The following CPNE4 variants were observed in gnomAD, a reference collection of about 807,000 sequenced individuals.
CPNE4 encodes the protein copine-4.
A neutral mutation model predicts 67.9 loss-of-function variants in CPNE4; 25 were observed. The observed-to-expected ratio is 0.37, with a 90% CI of 0.27 to 0.51. The LOEUF (loss-of-function observed/expected upper bound fraction) is 0.51. Among genes scored for constraint, CPNE4 ranks in the 20% least tolerant of loss-of-function variants. The pLI is 0.93. For missense variants in CPNE4, 464 were observed against 690.8 expected (o/e 0.67, Z 3.68); for synonymous variants, 242 against 244.9 (o/e 0.99, Z 0.11).
At chr3:131,676,997 A>G (rs2080591559) in intron 6 of CPNE4, among the ~76,000 whole-genome samples, 1 of 151,112 alleles carries the variant, frequency 6.6e-6, no homozygotes, top group South Asian at 2.1e-4. Flanking sequence ...ACTCCCACCA[A>G]CAGTGTAAAA....
chr3:131,699,712 C>G (rs1222625745), intron 4 of CPNE4, among the ~76,000 whole-genome samples, 197 bp downstream of exon 4: 2 of 151,844 alleles, frequency 1.3e-5, no homozygotes, highest in African/African-American at 4.8e-5. Context: ...TTTATTTTTC[C>G]TAGAGTTAGA....
At chr3:131,883,953 G>T (rs1157887896) in intron 2 of CPNE4, among the ~76,000 whole-genome samples, 1 of 151,696 alleles carries the variant, frequency 6.6e-6, no homozygotes, top group African/African-American at 2.4e-5. Flanking sequence ...TACTCATTCA[G>T]ATTTCTGTGC....
At chr3:131,820,138 G>A (rs187419131) in intron 2 of CPNE4, among the ~76,000 whole-genome samples, 1 of 152,174 alleles carries the variant, frequency 6.6e-6, no homozygotes, top group Non-Finnish European at 1.5e-5. Flanking sequence ...CCAATACAAG[G>A]TGTTGTAGAT....
intron 1 of CPNE4, among the ~76,000 whole-genome samples, chr3:131,936,783 A>G (rs2107843942): frequency 6.6e-6 from 1 of 152,198 alleles, no homozygotes; most frequent in South Asian, 2.1e-4. Flanking sequence ...AAGGAAGACA[A>G]TGAGCACAAA....
At chr3:131,987,880 C>T (rs1426485610) in intron 1 of CPNE4, among the ~76,000 whole-genome samples, 3 of 152,116 alleles carry the variant, frequency 2.0e-5, no homozygotes, top group Admixed American at 6.5e-5. Flanking sequence ...ACTTACAAGT[C>T]GATTTGCTAT....
chr3:131,833,355 T>C (rs776098876), intron 2 of CPNE4, among the ~76,000 whole-genome samples: 2 of 152,190 alleles, frequency 1.3e-5, no homozygotes, highest in Non-Finnish European at 2.9e-5. Context: ...CAGCTAAGCA[T>C]TCCATTTATA....
At chr3:131,906,485 G>A (rs765872782) in intron 1 of CPNE4, among the ~76,000 whole-genome samples, 34 of 143,450 alleles carry the variant, frequency 2.4e-4, no homozygotes, top group Non-Finnish European at 4.5e-4. Flanking sequence ...GTTCCCACCT[G>A]AGTGAGAACA....
intron 5 of CPNE4, among the ~76,000 whole-genome samples, chr3:131,689,081 G>C (rs772221661): frequency 1.1e-4 from 16 of 152,180 alleles, no homozygotes; most frequent in Non-Finnish European, 2.1e-4. Context: ...TCTGTCTTCA[G>C]GTAGCTGAAA....
At chr3:131,657,465 G>A (rs115374285) in intron 7 of CPNE4, among the ~76,000 whole-genome samples, 2,691 of 151,722 alleles carry the variant, frequency 0.018, 89 homozygotes, top group African/African-American at 0.062. Context: ...ATATACTGTG[G>A]CTCACCTCAG....
rs547165038 is a variant in CPNE4 at position 131,723,574 on chromosome 3, G to A, written c.232C>T (p.Leu78=). 1.2e-6 allele frequency: 2 copies of A among 1,614,162 alleles called. No homozygotes were observed. The highest frequency in any genetic ancestry group is 1.3e-5 in the African/African-American group (1 of 75,040). ...TCAAAGTAAAAGTCCACAGTAAACA[G>A]TTTTGAGTACACTGGGTTTATGCAG... is the stretch of plus-strand genomic sequence containing the variant. ...RTCINPVYSK[L]FTVDFYFEEV... The change falls in exon 3 of 16, where the codon CTG becomes TTG. Residue 78 remains leucine, a synonymous_variant. Transcript: ENST00000429747.
chr3:131,671,458 CATGT>C (rs748539545), intron 6 of CPNE4, among the ~76,000 whole-genome samples: 2,228 of 125,544 alleles, frequency 0.018, 47 homozygotes, highest in African/African-American at 0.045. Flanking sequence ...TGAGTGTACA[CATGT>C]GTGTGTGTGT....
At chr3:131,816,515 C>A (rs1160506872) in intron 2 of CPNE4, among the ~76,000 whole-genome samples, 7 of 152,120 alleles carry the variant, frequency 4.6e-5, no homozygotes, top group Non-Finnish European at 1.0e-4. Flanking sequence ...CAGATGAAAA[C>A]TGCAGTTTTC....
intron 2 of CPNE4, among the ~76,000 whole-genome samples, chr3:131,829,193 C>T (rs775024103): frequency 3.3e-5 from 5 of 152,180 alleles, no homozygotes; most frequent in Admixed American, 1.3e-4. Flanking sequence ...CACCTCCCAT[C>T]GAGTTCCTCC....
At chr3:131,982,418 T>C (rs1009488567) in intron 1 of CPNE4, among the ~76,000 whole-genome samples, 1 of 152,194 alleles carries the variant, frequency 6.6e-6, no homozygotes, top group Non-Finnish European at 1.5e-5. Context: ...TGGATGCAAA[T>C]GTACTCAGGT....
intron 7 of CPNE4, among the ~76,000 whole-genome samples, chr3:131,623,850 T>C (rs1940600337): frequency 6.6e-6 from 1 of 152,234 alleles, no homozygotes; most frequent in South Asian, 2.1e-4. Context: ...TAGGAAGACC[T>C]GTTTCCAATG....
At chr3:131,611,662 T>A (rs1939849922) in intron 7 of CPNE4, among the ~76,000 whole-genome samples, 1 of 152,110 alleles carries the variant, frequency 6.6e-6, no homozygotes, top group African/African-American at 2.4e-5. Flanking sequence ...AATGTCTTTT[T>A]TTTTTTTAGG....
intron 1 of CPNE4, among the ~76,000 whole-genome samples, chr3:132,028,504 A>AGGGGGAAGGGGTAAGAGAT (rs2107699412): frequency 6.6e-6 from 1 of 152,234 alleles, no homozygotes; most frequent in East Asian, 1.9e-4. Flanking sequence ...CCTTCTGCTG[A>AGGGGGAAGGGGTAAGAGAT]GGGGGAAGGG....
At chr3:132,032,758 G>T (rs2074263493) in intron 1 of CPNE4, among the ~76,000 whole-genome samples, 1 of 152,048 alleles carries the variant, frequency 6.6e-6, no homozygotes, top group African/African-American at 2.4e-5. Context: ...AGAAGCAGCA[G>T]CTCGGTAAGG....
Position 131,606,531 on chromosome 3 carries a change from G to A in CPNE4, c.682-18949C>T, listed in dbSNP as rs113741170. Reference sequence around the variant, plus strand: ...TCACACACGTGGTTCTGGACCCTCCGTTTTATCACTACTATTCGTCATGGT... The same window carrying A: ...TCACACACGTGGTTCTGGACCCTCCATTTTATCACTACTATTCGTCATGGT... On this transcript the variant is annotated intron_variant, in intron 7 of 15. Transcript: ENST00000429747. Among the ~76,000 whole-genome samples, 183 of 152,260 alleles carry A rather than the reference G, an allele frequency of 1.2e-3. 1 individual carries two copies. Among genetic ancestry groups the A allele is most frequent in the Middle Eastern group, 0.01 (3 of 294 alleles).
Sources: gnomAD v4.1 joint callset for allele counts (sites outside exome capture counted in the v4.1 genomes callset) on GRCh38, gnomAD v4.1.1 for gene constraint, MANE v1.5 for transcripts, NCBI Gene and HGNC (gene_info 2026-07-23, HGNC 2026-07-21) for gene names.